Variants in PDE4A observed in about 807,000 individuals in gnomAD.
PDE4A encodes phosphodiesterase 4A.
Under a neutral mutation model 73.9 loss-of-function variants are expected in PDE4A, and 21 were observed. The ratio of observed to expected loss-of-function variants is 0.28; its 90% confidence interval spans 0.20 to 0.41. PDE4A has a LOEUF of 0.41. Among genes scored for constraint, PDE4A ranks in the 10% least tolerant of loss-of-function variants. PDE4A has a pLI of 1.00. For missense variants in PDE4A, 958 were observed against 1,211.4 expected (o/e 0.79, Z 3.10); for synonymous variants, 463 against 505.4 (o/e 0.92, Z 1.13).
chr19:10,431,065 G>A (rs1242740440), intron 1 of PDE4A: 7 of 1,568,552 alleles, frequency 4.5e-6, no homozygotes, highest in African/African-American at 2.8e-5. Flanking sequence ...GATTTGGGCC[G>A]CCAGGCTTGG....
chr19:10,461,656 C>G lies in PDE4A; in HGVS notation c.1596C>G (p.Ser532Arg), dbSNP rs72558024. 33 of 1,610,494 alleles carry G rather than the reference C, an allele frequency of 2.0e-5. No individual in the cohort carries two copies. The highest frequency in any genetic ancestry group is 2.2e-5 in the Non-Finnish European group (26 of 1,178,808). Residue 532 changes from serine (S) to arginine (R), a missense_variant, in exon 12 of 15, where the codon AGC becomes AGG. By Grantham distance (110) the Ser-to-Arg change is moderately radical. Coordinates refer to ENST00000380702, the MANE Select transcript of PDE4A (RefSeq NM_001111307.2). The stretch of plus-strand genomic sequence containing the variant: ...ACCTCAGCAAGCGCCAGCGGCAGAG[C>G]CTACGCAAGATGGTCATCGACATGG... ...FQNLSKRQRQ[S>R]LRKMVIDMVL... is the part of the protein sequence containing the mutation.
At chr19:10,432,083 G>C (rs1186989118) in intron 1 of PDE4A, among the ~76,000 whole-genome samples, 1 of 151,736 alleles carries the variant, frequency 6.6e-6, no homozygotes, top group African/African-American at 2.4e-5. Flanking sequence ...CGGGGAGGGG[G>C]GAAAGGCGGG....
At position 10,459,509 on chromosome 19, in the gene PDE4A, C is replaced by T. The variant is rs768700816; in HGVS notation, c.1200+11C>T. ...TACATGATATTCCAGGTGATGGGGA[C>T]AGCTGGGAGTGGGCCCGGGTGAGGG... On this transcript the variant is annotated intron_variant, in intron 9 of 14. Coordinates refer to ENST00000380702, the MANE Select transcript of PDE4A (RefSeq NM_001111307.2). The T allele has an allele frequency of 6.8e-6, 11 of 1,612,564 alleles. 1 individual carries two copies. The highest frequency in any genetic ancestry group is 2.7e-5 in the African/African-American group (2 of 74,926).
chr19:10,452,020 GGTGTGT>G (rs58194674), intron 6 of PDE4A, among the ~76,000 whole-genome samples: 25,979 of 140,048 alleles, frequency 0.19, 2,410 homozygotes, highest in East Asian at 0.43. Context: ...TTTCTGCAAT[GGTGTGT>G]GTGTGTGTGT....
chr19:10,461,416 G>T (rs928477643), intron 11 of PDE4A, 110 bp from the exon 12 acceptor site: 10 of 1,539,728 alleles, frequency 6.5e-6, no homozygotes, highest in African/African-American at 2.7e-5. Context: ...TGGGCTGGAG[G>T]CGAGGCTGGC....
intron 6 of PDE4A, among the ~76,000 whole-genome samples, chr19:10,452,414 G>A (rs1395189607): frequency 2.0e-5 from 3 of 151,484 alleles, no homozygotes; most frequent in African/African-American, 4.9e-5. Context: ...TCCAGCCTGG[G>A]CGACAAGAGT....
intron 1 of PDE4A, 23 bp from the exon 2 acceptor site, chr19:10,446,195 C>A: frequency 6.5e-7 from 1 of 1,549,290 alleles, no homozygotes; most frequent in South Asian, 1.2e-5. Flanking sequence ...CTCCTGACCC[C>A]TCTTCTCGCC....
At chr19:10,437,950 G>T (rs568273243) in intron 1 of PDE4A, among the ~76,000 whole-genome samples, 1 of 149,726 alleles carries the variant, frequency 6.7e-6, no homozygotes, top group East Asian at 2.0e-4. Context: ...GACCACAGGC[G>T]CACACCATCA....
At chr19:10,466,025 C>T (rs866415717) in intron 14 of PDE4A, among the ~76,000 whole-genome samples, 5 of 137,178 alleles carry the variant, frequency 3.6e-5, no homozygotes, top group South Asian at 2.5e-4. Flanking sequence ...TTTCCTGAGA[C>T]GGAGTCTCGC....
In PDE4A at chr19:10,420,789, GA is replaced by G; in HGVS notation, c.28del (p.Arg10GlyfsTer17). MEPPTVPS[E>X]RSLSLSLPGP... Reference sequence around the variant, plus strand: ...CATGGAACCCCCGACCGTCCCCTCGGAAAGGAGCCTGTCTCTGTCACTGCCC... The same window carrying G: ...CATGGAACCCCCGACCGTCCCCTCGGAAGGAGCCTGTCTCTGTCACTGCCC... On this transcript the variant is annotated frameshift_variant, in exon 1 of 15. Transcript: ENST00000380702. LOFTEE classifies it high-confidence loss of function. The surrounding 1 kb of genome is among the most constrained non-coding windows in gnomAD (Gnocchi z 6.0). The G allele has an allele frequency of 6.3e-7, 1 of 1,579,716 alleles. No homozygotes were observed. The highest frequency in any genetic ancestry group is 2.4e-5 in the East Asian group (1 of 41,892).
chr19:10,459,078 G>A, intron 8 of PDE4A: 2 of 346,698 alleles, frequency 5.8e-6, no homozygotes, highest in South Asian at 6.7e-5. Context: ...TCCTATCCTA[G>A]CTTTGCCACT....
At position 10,453,455 on chromosome 19, in the gene PDE4A, G is replaced by A; in HGVS notation, c.784-1374G>A. Reference sequence around the variant, plus strand: ...AAGCCTTGTGACTGTCTCTGTGTGTGGCCCAGGGCTGGGCGTGGATGGCGG... The same window carrying A: ...AAGCCTTGTGACTGTCTCTGTGTGTAGCCCAGGGCTGGGCGTGGATGGCGG... On this transcript the variant is annotated intron_variant, in intron 6 of 14. Transcript: ENST00000380702. This position sits in a 1 kb window ranked among gnomAD's most constrained non-coding sequence, Gnocchi z 4.6. 1 of 1,232,894 alleles carries A rather than the reference G, an allele frequency of 8.1e-7. No individual in the cohort carries two copies. The highest frequency in any genetic ancestry group is 1.1e-6 in the Non-Finnish European group (1 of 915,790). 76.4% of individuals were successfully genotyped at this position (1,232,894 alleles called of 1,614,324 possible).
chr19:10,461,802 G>C (rs2043277602), intron 12 of PDE4A, 75 bp from the exon 13 acceptor site: 1 of 1,582,146 alleles, frequency 6.3e-7, no homozygotes, highest in Non-Finnish European at 8.6e-7. Flanking sequence ...GCTTCTACCT[G>C]GTGAAAACTT....
At chr19:10,464,877 C>T (rs1477926661) in intron 14 of PDE4A, among the ~76,000 whole-genome samples, 8 of 151,506 alleles carry the variant, frequency 5.3e-5, no homozygotes, top group Admixed American at 4.0e-4. Flanking sequence ...CCACCACACT[C>T]GGCTAATTTT....
chr19:10,461,817 G>A, intron 12 of PDE4A, 60 bp from the exon 13 acceptor site: 1 of 1,590,476 alleles, frequency 6.3e-7, no homozygotes, highest in Non-Finnish European at 8.6e-7. Flanking sequence ...AAACTTCAGA[G>A]GCCCGGGTCA....
chr19:10,418,417 T>G (rs866780208), upstream of PDE4A, among the ~76,000 whole-genome samples: 58 of 151,908 alleles, frequency 3.8e-4, 1 homozygote, highest in Non-Finnish European at 2.2e-4. Flanking sequence ...AGCTGGAAAG[T>G]CAGACAGCTG....
intron 1 of PDE4A, 51 bp from the exon 2 acceptor site, chr19:10,446,166 TC>T: frequency 1.3e-6 from 2 of 1,522,718 alleles, no homozygotes; most frequent in Admixed American, 4.3e-5. Context: ...CCTCTTGACC[TC>T]CCTAATAGCG....
At chr19:10,457,797 C>T (rs541423883) in intron 7 of PDE4A, 82 bp from the exon 8 acceptor site, 28 of 1,568,062 alleles carry the variant, frequency 1.8e-5, no homozygotes, top group South Asian at 9.5e-5. Flanking sequence ...CTTCCCCGTA[C>T]GTGGTAGTGG....
chr19:10,461,774 A>G (rs2043277109), intron 12 of PDE4A, 94 bp downstream of exon 12: 4 of 1,584,454 alleles, frequency 2.5e-6, no homozygotes, highest in Non-Finnish European at 3.4e-6. Context: ...GGAACCCTCA[A>G]CCTGGACAGA....
Sources: gnomAD v4.1 joint callset for allele counts (sites outside exome capture counted in the v4.1 genomes callset) on GRCh38, gnomAD v4.1.1 for gene constraint, Gnocchi (gnomAD v3.1) non-coding constraint, MANE v1.5 for transcripts, NCBI Gene and HGNC (gene_info 2026-07-23, HGNC 2026-07-21) for gene names.